Variants in DIS3L2 observed in about 807,000 individuals in gnomAD.
DIS3L2 encodes DIS3-like exonuclease 2.
DIS3L2 carries 34 observed loss-of-function variants against 97.5 expected under a neutral mutation model. The observed-to-expected ratio is 0.35, with a 90% CI of 0.27 to 0.46. The LOEUF (loss-of-function observed/expected upper bound fraction) is 0.46. Among genes scored for constraint, DIS3L2 ranks in the 20% least tolerant of loss-of-function variants. The pLI is 1.00. For missense variants in DIS3L2, 1,038 were observed against 1,146.0 expected (o/e 0.91, Z 1.36); for synonymous variants, 435 against 445.2 (o/e 0.98, Z 0.29).
intron 20 of DIS3L2, 108 bp from the exon 21 acceptor site, chr2:232,336,361 C>T (rs1488025123): frequency 7.1e-6 from 11 of 1,548,394 alleles, no homozygotes; most frequent in Non-Finnish European, 8.7e-6. Context: ...CAGAGGCTTC[C>T]AGAGGCCGAA....
intron 11 of DIS3L2, among the ~76,000 whole-genome samples, chr2:232,247,644 A>T (rs376789737): frequency 2.3e-4 from 2 of 8,726 alleles, no homozygotes; most frequent in African/African-American, 4.0e-4. Flanking sequence ...GGCGGGGGGG[A>T]GGGTGCCAAT....
chr2:231,975,704 C>CAA (rs34710079), intron 1 of DIS3L2, among the ~76,000 whole-genome samples: 2,974 of 54,482 alleles, frequency 0.055, 228 homozygotes, highest in African/African-American at 0.088. Flanking sequence ...GACTCCGCCT[C>CAA]AAAAAAAAAA....
chr2:232,185,074 A>G (rs2106188870), intron 9 of DIS3L2, among the ~76,000 whole-genome samples: 1 of 152,338 alleles, frequency 6.6e-6, no homozygotes, highest in Admixed American at 6.5e-5. Context: ...GATGGGTAGC[A>G]AAGTTCTCAT....
intron 1 of DIS3L2, among the ~76,000 whole-genome samples, chr2:231,980,051 G>A (rs1232814135): frequency 6.6e-6 from 1 of 152,056 alleles, no homozygotes; most frequent in Non-Finnish European, 1.5e-5. Context: ...ATTTCCAGTT[G>A]AATATCATAA....
At chr2:232,062,755 C>T (rs527653505) in intron 5 of DIS3L2, among the ~76,000 whole-genome samples, 23 of 151,684 alleles carry the variant, frequency 1.5e-4, no homozygotes, top group Non-Finnish European at 2.8e-4. Context: ...TATCTCCCCT[C>T]CTTCCCTCCT....
intron 10 of DIS3L2, among the ~76,000 whole-genome samples, chr2:232,222,965 C>G (rs138436104): frequency 6.6e-6 from 1 of 152,330 alleles, no homozygotes; most frequent in East Asian, 1.9e-4. Flanking sequence ...CAGCTCCACC[C>G]TCTAAGTCTT....
At chr2:232,296,317 T>C (rs576358829) in intron 13 of DIS3L2, among the ~76,000 whole-genome samples, 1 of 152,344 alleles carries the variant, frequency 6.6e-6, no homozygotes, top group South Asian at 2.1e-4. Flanking sequence ...CCAGTTCTAA[T>C]TGTGGTTTGC....
rs116742633 is a variant in DIS3L2 at position 232,281,119 on chromosome 2, G to A, written c.1659+17679G>A. On this transcript the variant is annotated intron_variant, in intron 13 of 20. Coordinates refer to ENST00000325385, the MANE Select transcript of DIS3L2 (RefSeq NM_152383.5). This position sits in a 1 kb window ranked among gnomAD's most constrained non-coding sequence, Gnocchi z 4.1. ...TCTGCCTTGAAATATGAGTGTTTTC[G>A]GCTGGGCACGGTGGCTCACACCTAT... Among the ~76,000 whole-genome samples the A allele has an allele frequency of 7.4e-3, 1,130 of 152,236 alleles. 13 individuals are homozygous for A. Among genetic ancestry groups the A allele is most frequent in the African/African-American group, 0.026 (1,085 of 41,528 alleles).
At chr2:232,007,287 GAGA>G (rs1694079971) in intron 1 of DIS3L2, among the ~76,000 whole-genome samples, 1 of 152,202 alleles carries the variant, frequency 6.6e-6, no homozygotes, top group Non-Finnish European at 1.5e-5. Context: ...TGCAGGTATG[GAGA>G]AGTTTTGTCT....
At chr2:232,160,737 C>T (rs1032175230) in intron 8 of DIS3L2, among the ~76,000 whole-genome samples, 1 of 151,916 alleles carries the variant, frequency 6.6e-6, no homozygotes, top group Non-Finnish European at 1.5e-5. Context: ...ATTAGATGGG[C>T]CTCAGCTACT....
At chr2:232,107,185 G>A (rs576400399) in intron 6 of DIS3L2, among the ~76,000 whole-genome samples, 15 of 152,076 alleles carry the variant, frequency 9.9e-5, no homozygotes, top group Non-Finnish European at 1.9e-4. Context: ...CTATCATCAC[G>A]ACTAAAAGAA....
intron 12 of DIS3L2, among the ~76,000 whole-genome samples, chr2:232,251,061 A>G (rs760246793): frequency 1.1e-4 from 16 of 152,338 alleles, no homozygotes; most frequent in Admixed American, 3.9e-4. Context: ...GGCTATTACT[A>G]ATGCATTGAT....
Position 232,336,845 on chromosome 2 carries a change from C to T in DIS3L2, c.*215C>T. 7.2e-7 allele frequency: 1 copy of T among 1,389,302 alleles called. No individual in the cohort carries two copies. The highest frequency in any genetic ancestry group is 9.3e-7 in the Non-Finnish European group (1 of 1,074,334). 86.1% of individuals were successfully genotyped at this position (1,389,302 alleles called of 1,614,324 possible). A position where few individuals can be genotyped will look rare whatever the true frequency, so the allele number is the denominator to read the frequency against. ...GCTGAGGCCTGGTCAGCAGTGACCCCAGCAGAGCAGGCCCCAGTCCTCCTG... is the reference window on the plus strand; with the variant it reads ...GCTGAGGCCTGGTCAGCAGTGACCCTAGCAGAGCAGGCCCCAGTCCTCCTG... On this transcript the variant is annotated 3_prime_UTR_variant, in exon 21 of 21. Transcript: ENST00000325385.
chr2:232,338,579 C>T (rs1178878201), downstream of DIS3L2, among the ~76,000 whole-genome samples: 1 of 151,522 alleles, frequency 6.6e-6, no homozygotes, highest in Non-Finnish European at 1.5e-5. Flanking sequence ...CCTCCAGTGA[C>T]CTGGCAAGGT....
At chr2:232,114,375 A>C (rs1302137849) in intron 6 of DIS3L2, among the ~76,000 whole-genome samples, 4 of 152,206 alleles carry the variant, frequency 2.6e-5, no homozygotes, top group South Asian at 2.1e-4. Flanking sequence ...AGGATTAATT[A>C]ATGAGAGTAA....
intron 5 of DIS3L2, among the ~76,000 whole-genome samples, chr2:232,086,003 A>C (rs116377447): frequency 3.0e-3 from 463 of 151,926 alleles, no homozygotes; most frequent in African/African-American, 0.011. Flanking sequence ...TTTAGAGGCA[A>C]GGTCTCAATA....
At chr2:232,185,849 CAAAA>C (rs71056259) in intron 9 of DIS3L2, among the ~76,000 whole-genome samples, 1 of 102,258 alleles carries the variant, frequency 9.8e-6, no homozygotes, top group Non-Finnish European at 2.1e-5. Flanking sequence ...GACTTCGTCT[CAAAA>C]AAAAAAAAAA....
chr2:232,324,238 G>A lies in DIS3L2; in HGVS notation c.1740-5575G>A, dbSNP rs141921824. Reference sequence around the variant, plus strand: ...CAGGGCTCTGGAGCTTACAGGCAGCGTGTGCCCAAGTGTGGAAAATTTGGT... The same window carrying A: ...CAGGGCTCTGGAGCTTACAGGCAGCATGTGCCCAAGTGTGGAAAATTTGGT... On this transcript the variant is annotated intron_variant, in intron 14 of 20. Coordinates refer to ENST00000325385, the MANE Select transcript of DIS3L2 (RefSeq NM_152383.5). Among the ~76,000 whole-genome samples the A allele has an allele frequency of 3.5e-4, 53 of 152,318 alleles. No homozygotes were observed. In the East Asian group the frequency reaches 9.1e-3, roughly 26 times the overall value.
chr2:232,228,332 T>C (rs542208656), intron 10 of DIS3L2, among the ~76,000 whole-genome samples: 49 of 152,298 alleles, frequency 3.2e-4, no homozygotes, highest in South Asian at 2.7e-3. Flanking sequence ...TTTTTAGACC[T>C]AGACCTGGGG....
Sources: allele counts gnomAD v4.1 joint callset (sites outside exome capture counted in the v4.1 genomes callset), GRCh38; gene constraint gnomAD v4.1.1; non-coding constraint Gnocchi (gnomAD v3.1); transcripts MANE v1.5; gene names NCBI Gene and HGNC (gene_info 2026-07-23, HGNC 2026-07-21).